The following LYN variants were observed in gnomAD, a reference collection of about 807,000 sequenced individuals.
LYN encodes the protein LYN proto-oncogene, Src family tyrosine kinase.
Under a neutral mutation model 65.0 loss-of-function variants are expected in LYN, and 12 were observed. That is an observed-to-expected ratio of 0.18 (90% CI 0.12 to 0.30). LYN has a LOEUF of 0.30. Among genes scored for constraint, LYN ranks in the 10% least tolerant of loss-of-function variants. The probability of loss-of-function intolerance (pLI) is 1.00; values close to 1 mark genes in which losing one functional copy is unlikely to be tolerated. For synonymous variants in LYN, 222 were observed against 221.2 expected (o/e 1.00, Z -0.03); for missense variants, 380 against 623.2 (o/e 0.61, Z 4.16).
intron 1 of LYN, among the ~76,000 whole-genome samples, chr8:55,919,062 C>T (rs908354453): frequency 4.2e-5 from 6 of 143,230 alleles, no homozygotes; most frequent in Non-Finnish European, 9.1e-5. Context: ...AGTAGTCAGA[C>T]ATTCCCGACA....
chr8:55,889,022 T>C (rs1007250810), intron 1 of LYN, among the ~76,000 whole-genome samples: 1 of 152,158 alleles, frequency 6.6e-6, no homozygotes, highest in Non-Finnish European at 1.5e-5. Flanking sequence ...TTTCTTTATT[T>C]ATTTGTATGT....
At chr8:55,959,846 A>G (rs913387348) in intron 8 of LYN, among the ~76,000 whole-genome samples, 1 of 152,220 alleles carries the variant, frequency 6.6e-6, no homozygotes, top group Non-Finnish European at 1.5e-5. Context: ...GCATACTTCA[A>G]CATGGATGCC....
At chr8:55,915,970 C>T (rs1338034989) in intron 1 of LYN, among the ~76,000 whole-genome samples, 1 of 152,160 alleles carries the variant, frequency 6.6e-6, no homozygotes, top group Non-Finnish European at 1.5e-5. Context: ...TTTAATACCT[C>T]TAAACTCACA....
At chr8:55,912,671 G>A (rs1419154352) in intron 1 of LYN, among the ~76,000 whole-genome samples, 1 of 150,542 alleles carries the variant, frequency 6.6e-6, no homozygotes, top group Non-Finnish European at 1.5e-5. Flanking sequence ...AGGTTGCAGT[G>A]AGCCGAGATT....
At chr8:55,884,119 A>C (rs1430219318) in intron 1 of LYN, among the ~76,000 whole-genome samples, 1 of 152,108 alleles carries the variant, frequency 6.6e-6, no homozygotes, top group African/African-American at 2.4e-5. Context: ...TTCTTTTCTG[A>C]GATGAAGGCT....
intron 10 of LYN, among the ~76,000 whole-genome samples, chr8:55,977,103 T>G (rs1176977234): frequency 1.3e-5 from 2 of 152,006 alleles, no homozygotes; most frequent in Non-Finnish European, 2.9e-5. Flanking sequence ...GAGAATCGCT[T>G]GAACCCAGAA....
chr8:55,963,352 C>A (rs2130517033), intron 8 of LYN, among the ~76,000 whole-genome samples: 2 of 152,320 alleles, frequency 1.3e-5, no homozygotes, highest in South Asian at 4.1e-4. Flanking sequence ...GTCCCCACGT[C>A]CCCTTTCCTG....
intron 10 of LYN, among the ~76,000 whole-genome samples, chr8:55,993,521 G>A (rs1420893263): frequency 1.3e-5 from 2 of 152,186 alleles, no homozygotes; most frequent in Admixed American, 1.3e-4. Flanking sequence ...GGACTTTGAG[G>A]TCAGACACGC....
At chr8:55,924,602 A>G (rs533088126) in intron 1 of LYN, among the ~76,000 whole-genome samples, 5 of 151,684 alleles carry the variant, frequency 3.3e-5, no homozygotes, top group South Asian at 2.1e-4. Context: ...GACCTCACGT[A>G]ATCCACCCCC....
chr8:56,006,730 G>T (rs1585687561), intron 12 of LYN, among the ~76,000 whole-genome samples: 2 of 152,326 alleles, frequency 1.3e-5, no homozygotes, highest in South Asian at 4.1e-4. Flanking sequence ...TTGAAAGGAG[G>T]AAGGATGGAA....
intron 8 of LYN, among the ~76,000 whole-genome samples, chr8:55,956,867 T>C (rs1445968418): frequency 1.3e-5 from 2 of 152,152 alleles, no homozygotes; most frequent in East Asian, 1.9e-4. Context: ...TGACTTTGTG[T>C]GGGGAGAAGG....
chr8:55,898,962 C>T (rs115732983), intron 1 of LYN, among the ~76,000 whole-genome samples: 5,384 of 151,890 alleles, frequency 0.035, 305 homozygotes, highest in African/African-American at 0.12. Flanking sequence ...GTAGCTGGGA[C>T]CACAGGTGTA....
In LYN at chr8:55,947,842, G is replaced by T. The variant is rs1256695001; in HGVS notation, c.284+119G>T. 8.8e-6 allele frequency: 6 copies of T among 680,490 alleles called. No homozygotes were observed. In the Admixed American group the frequency reaches 1.4e-4, roughly 16 times the overall value. The allele number at this position is 680,490 out of a possible 1,614,324, so 42.2% of individuals were successfully genotyped here. On this transcript the variant is annotated intron_variant, in intron 4 of 12. Coordinates refer to ENST00000519728, the MANE Select transcript of LYN (RefSeq NM_002350.4). ...TAGCCCGGCCCCTTTCTTGTAATGG[G>T]TATGAGGCCTCCTTGCTACCCACAG...
intron 8 of LYN, among the ~76,000 whole-genome samples, chr8:55,958,946 T>C (rs781119923): frequency 6.6e-6 from 1 of 152,232 alleles, no homozygotes; most frequent in Non-Finnish European, 1.5e-5. Flanking sequence ...TCTGAGACCT[T>C]ATTTTCCATT....
In LYN at chr8:56,010,224, G is replaced by C. The variant is rs1040186880; in HGVS notation, c.*114G>C. ...GTGCGGGGATCATCTGCCGTGCCTG[G>C]ATCCTGAAATAGAGGCTAAATTACT... On this transcript the variant is annotated 3_prime_UTR_variant, in exon 13 of 13. Coordinates refer to ENST00000519728, the MANE Select transcript of LYN (RefSeq NM_002350.4). The C allele has an allele frequency of 9.3e-7, 1 of 1,070,180 alleles. No individual in the cohort carries two copies. The highest frequency in any genetic ancestry group is 2.4e-5 in the East Asian group (1 of 41,224). The allele number at this position is 1,070,180 out of a possible 1,614,324, so 66.3% of individuals were successfully genotyped here.
intron 1 of LYN, among the ~76,000 whole-genome samples, chr8:55,886,258 T>TG (rs58873125): frequency 3.3e-5 from 5 of 150,806 alleles, no homozygotes; most frequent in African/African-American, 1.2e-4. Context: ...TTTTTTTTTT[T>TG]GAGATGGAGT....
intron 1 of LYN, among the ~76,000 whole-genome samples, chr8:55,885,757 G>A (rs1003140018): frequency 3.3e-5 from 5 of 152,346 alleles, no homozygotes; most frequent in South Asian, 4.1e-4. Flanking sequence ...GCTGTGTCAC[G>A]GAGAGCAGAA....
chr8:55,931,081 GTA>G (rs879717486), intron 1 of LYN, among the ~76,000 whole-genome samples: 1 of 147,028 alleles, frequency 6.8e-6, no homozygotes. Flanking sequence ...ATACGTGTGT[GTA>G]TATATATATA....
chr8:56,011,165 A>T lies in LYN; in HGVS notation c.*1055A>T. The T allele has an allele frequency of 8.8e-6, 2 of 228,196 alleles. No homozygotes were observed. The highest frequency in any genetic ancestry group is 1.7e-5 in the Non-Finnish European group (2 of 115,012). 14.1% of individuals were successfully genotyped at this position (228,196 alleles called of 1,614,324 possible). A position where few individuals can be genotyped will look rare whatever the true frequency, so the allele number is the denominator to read the frequency against. On this transcript the variant is annotated 3_prime_UTR_variant, in exon 13 of 13. Transcript: ENST00000519728. Reference sequence around the variant, plus strand: ...CTAAATTGTGTAGCATGTGTATGAGACTATTTATACCCAAGGATATGAAGG... The same window carrying T: ...CTAAATTGTGTAGCATGTGTATGAGTCTATTTATACCCAAGGATATGAAGG...
Sources: gnomAD v4.1 joint callset for allele counts (sites outside exome capture counted in the v4.1 genomes callset) on GRCh38, gnomAD v4.1.1 for gene constraint, MANE v1.5 for transcripts, NCBI Gene and HGNC (gene_info 2026-07-23, HGNC 2026-07-21) for gene names.